The following UVSSA variants were observed in gnomAD, a reference collection of about 807,000 sequenced individuals.
UVSSA encodes the protein UV stimulated scaffold protein A, also known as UV-stimulated scaffold protein A.
In UVSSA, 72 loss-of-function variants were observed where a neutral mutation model predicts 73.9. That is an observed-to-expected ratio of 0.97 (90% CI 0.81 to 1.19). The LOEUF (loss-of-function observed/expected upper bound fraction) is 1.19. Ranked by LOEUF, UVSSA falls within the 50% of genes most tolerant of loss-of-function variation. The pLI is 0.00. For synonymous variants in UVSSA, 454 were observed against 391.3 expected, an observed-to-expected ratio of 1.16 and a Z score of -1.89; for missense variants, 1,150 against 965.0, an observed-to-expected ratio of 1.19 and a Z score of -2.54.
intron 5 of UVSSA, among the ~76,000 whole-genome samples, chr4:1,353,665 G>A (rs1449902960): frequency 6.6e-6 from 1 of 152,216 alleles, no homozygotes; most frequent in East Asian, 1.9e-4. Context: ...TGAGGCTGTG[G>A]GCAGAGTAAG....
At chr4:1,354,938 G>A (rs1368528975) in intron 6 of UVSSA, 91 bp downstream of exon 6, 42 of 1,537,256 alleles carry the variant, frequency 2.7e-5, no homozygotes, top group South Asian at 2.0e-4. Context: ...ACTGTGGCCC[G>A]GTGACTGAAT....
At chr4:1,379,920 T>A in intron 10 of UVSSA, 127 bp from the exon 11 acceptor site, 1 of 1,099,800 alleles carries the variant, frequency 9.1e-7, no homozygotes, top group Non-Finnish European at 1.3e-6. Flanking sequence ...TCTCCCTGGG[T>A]GCTGTCCACA....
chr4:1,355,525 A>C (rs976776156), intron 7 of UVSSA, among the ~76,000 whole-genome samples: 3 of 152,210 alleles, frequency 2.0e-5, no homozygotes, highest in Admixed American at 2.0e-4. Context: ...CCAGGAAGCC[A>C]CCAGTCAGGC....
exon 14 of UVSSA, chr4:1,394,752 A>G (rs746784701): frequency 2.7e-5 from 42 of 1,581,040 alleles, no homozygotes; most frequent in Non-Finnish European, 3.3e-5. Context: ...TCATGTGCCC[A>G]TGTGGAGTGC....
upstream of UVSSA, among the ~76,000 whole-genome samples, chr4:1,343,105 G>T (rs569152780): frequency 5.8e-4 from 88 of 152,262 alleles, no homozygotes; most frequent in African/African-American, 2.1e-3. Flanking sequence ...TTGCTCGGCT[G>T]CCGTAACAGA....
intron 7 of UVSSA, among the ~76,000 whole-genome samples, chr4:1,360,217 GCACAGGGAA>G (rs1443721778): frequency 6.6e-6 from 1 of 152,242 alleles, no homozygotes; most frequent in Admixed American, 6.5e-5. Flanking sequence ...TCTGGAGTCA[GCACAGGGAA>G]CACGGGGAGA....
chr4:1,368,352 C>G (rs966741337), intron 8 of UVSSA, among the ~76,000 whole-genome samples: 7 of 152,242 alleles, frequency 4.6e-5, no homozygotes, highest in Non-Finnish European at 5.9e-5. Flanking sequence ...TTCCCTAAAA[C>G]CTGACTTGTG....
At chr4:1,362,116 C>T (rs1716732300) in intron 7 of UVSSA, among the ~76,000 whole-genome samples, 1 of 152,176 alleles carries the variant, frequency 6.6e-6, no homozygotes, top group Non-Finnish European at 1.5e-5. Flanking sequence ...TATATTTTAG[C>T]CATTTTATTG....
intron 8 of UVSSA, among the ~76,000 whole-genome samples, chr4:1,367,267 C>T (rs765055803): frequency 6.6e-6 from 1 of 152,148 alleles, no homozygotes; most frequent in South Asian, 2.1e-4. Context: ...GGGGGATGGG[C>T]GTGGACCCAG....
intron 12 of UVSSA, among the ~76,000 whole-genome samples, chr4:1,383,177 G>A (rs1195601237): frequency 6.6e-6 from 1 of 152,178 alleles, no homozygotes; most frequent in Non-Finnish European, 1.5e-5. Flanking sequence ...GCTTGGGAAG[G>A]GCAGTTCTGT....
intron 8 of UVSSA, among the ~76,000 whole-genome samples, chr4:1,367,222 C>G (rs1159567271): frequency 2.0e-5 from 3 of 152,148 alleles, no homozygotes. Flanking sequence ...CCTCCCAAAA[C>G]TGCGTTCCAG....
intron 10 of UVSSA, 52 bp from the exon 11 acceptor site, chr4:1,379,995 G>T (rs534980476): frequency 6.5e-6 from 10 of 1,536,616 alleles, no homozygotes; most frequent in African/African-American, 1.4e-5. Flanking sequence ...CCGTGGCCAC[G>T]CTCTTCTGGG....
chr4:1,361,904 A>G (rs1716700786), intron 7 of UVSSA, among the ~76,000 whole-genome samples: 3 of 151,918 alleles, frequency 2.0e-5, no homozygotes, highest in Non-Finnish European at 4.4e-5. Context: ...AAAACTGAAC[A>G]AAAGTGATTT....
chr4:1,379,990 G>A, intron 10 of UVSSA, 57 bp from the exon 11 acceptor site: 1 of 1,530,308 alleles, frequency 6.5e-7, no homozygotes. Context: ...CACCACCGTG[G>A]CCACGCTCTT....
chr4:1,354,293 G>A (rs763123635), intron 5 of UVSSA, among the ~76,000 whole-genome samples: 6 of 152,024 alleles, frequency 3.9e-5, no homozygotes, highest in Non-Finnish European at 7.4e-5. Flanking sequence ...GGAAGCCACG[G>A]CAGGGCAGAA....
chr4:1,392,614 A>G (rs1351144209), downstream of UVSSA: 1 of 152,122 alleles, frequency 6.6e-6, no homozygotes, highest in African/African-American at 2.4e-5. Context: ...TGCCTCTGGC[A>G]TCTGTGGTTT....
At chr4:1,350,240 C>T (rs111996579) in intron 3 of UVSSA, among the ~76,000 whole-genome samples, 5 of 152,300 alleles carry the variant, frequency 3.3e-5, no homozygotes, top group African/African-American at 9.6e-5. Context: ...TTTAAGGCTC[C>T]ACCCGCACCC....
downstream of UVSSA, chr4:1,390,738 T>G (rs1469518523): frequency 6.6e-6 from 1 of 152,366 alleles, no homozygotes; most frequent in Non-Finnish European, 1.5e-5. Flanking sequence ...TTGGGTGGAG[T>G]GTTGTATAGA....
Position 1,351,793 on chromosome 4 carries a change from A to T in UVSSA, c.508A>T (p.Ile170Phe). Residue 170 changes from isoleucine (I) to phenylalanine (F), a missense_variant, in exon 4 of 14, where the codon ATT becomes TTT. By Grantham distance (21) the Ile-to-Phe change is conservative. Coordinates refer to ENST00000389851, the MANE Select transcript of UVSSA (RefSeq NM_020894.4). ...EEEKQKHLDK[I>F]YQERASQAER... ...GGAGAAGCAGAAGCACTTGGATAAA[A>T]TTTATCAAGAAAGAGCCAGCCAGGC... The T allele has an allele frequency of 1.2e-6, 2 of 1,613,704 alleles. No individual in the cohort carries two copies. The highest frequency in any genetic ancestry group is 2.7e-5 in the African/African-American group (2 of 75,062).
Sources: gnomAD v4.1 joint callset for allele counts (sites outside exome capture counted in the v4.1 genomes callset) on GRCh38, gnomAD v4.1.1 for gene constraint, MANE v1.5 for transcripts, NCBI Gene and HGNC (gene_info 2026-07-23, HGNC 2026-07-21) for gene names.